SLC4A10: variants seen among roughly 807,000 people sequenced by gnomAD.
SLC4A10 encodes the protein solute carrier family 4 member 10.
SLC4A10 carries 42 observed loss-of-function variants against 137.7 expected under a neutral mutation model. The observed-to-expected ratio is 0.30, with a 90% CI of 0.24 to 0.39. The LOEUF is 0.39. Ranked by LOEUF, SLC4A10 falls within the 10% of genes least tolerant of loss-of-function variation. The pLI is 1.00. For missense variants in SLC4A10, 925 were observed against 1,355.0 expected, an observed-to-expected ratio of 0.68 and a Z score of 4.98; for synonymous variants, 474 against 464.1, an observed-to-expected ratio of 1.02 and a Z score of -0.27.
intron 15 of SLC4A10, among the ~76,000 whole-genome samples, chr2:161,918,687 C>T (rs1687575530): frequency 6.6e-6 from 1 of 152,164 alleles, no homozygotes; most frequent in Non-Finnish European, 1.5e-5. Flanking sequence ...AAGCCTACTT[C>T]ACCTTGTTCC....
chr2:161,830,122 A>T (rs911911738), intron 3 of SLC4A10, among the ~76,000 whole-genome samples: 1 of 151,522 alleles, frequency 6.6e-6, no homozygotes, highest in East Asian at 2.0e-4. Context: ...TGCTCTGCAC[A>T]TTTCAGCTCC....
chr2:161,876,708 A>T (rs1479150962), intron 8 of SLC4A10, among the ~76,000 whole-genome samples: 1 of 152,144 alleles, frequency 6.6e-6, no homozygotes, highest in East Asian at 1.9e-4. Flanking sequence ...ACCAAAAAAG[A>T]TAGTTGGTTT....
intron 24 of SLC4A10, among the ~76,000 whole-genome samples, chr2:161,975,637 T>C (rs887727224): frequency 3.9e-5 from 6 of 152,180 alleles, no homozygotes; most frequent in African/African-American, 1.4e-4. Flanking sequence ...CATTTCCAGA[T>C]TGGGCAAGAG....
intron 1 of SLC4A10, among the ~76,000 whole-genome samples, chr2:161,675,933 G>A (rs1184793025): frequency 2.6e-5 from 4 of 152,174 alleles, no homozygotes; most frequent in African/African-American, 9.6e-5. Context: ...AGCCCTGAAT[G>A]AAATCATGTA....
intron 3 of SLC4A10, among the ~76,000 whole-genome samples, chr2:161,819,016 C>G (rs771093886): frequency 1.3e-5 from 2 of 152,118 alleles, no homozygotes; most frequent in Non-Finnish European, 2.9e-5. Flanking sequence ...AGGATTCCTT[C>G]TTTTTCTATC....
intron 4 of SLC4A10, among the ~76,000 whole-genome samples, chr2:161,847,801 G>A (rs1013270537): frequency 6.6e-6 from 1 of 152,156 alleles, no homozygotes; most frequent in Admixed American, 6.6e-5. Context: ...TTGATTCCAT[G>A]TCTTTGCTAT....
intron 22 of SLC4A10, among the ~76,000 whole-genome samples, 152 bp downstream of exon 22, chr2:161,964,460 G>T (rs1296339903): frequency 6.6e-6 from 1 of 152,038 alleles, no homozygotes; most frequent in Non-Finnish European, 1.5e-5. Flanking sequence ...ACTAAGATAG[G>T]GTTTAAGAAT....
intron 1 of SLC4A10, among the ~76,000 whole-genome samples, chr2:161,734,788 T>G (rs2047166380): frequency 6.6e-6 from 1 of 152,154 alleles, no homozygotes; most frequent in African/African-American, 2.4e-5. Flanking sequence ...ATATTGATAT[T>G]GTTTGGCTCT....
rs559050061 is a variant in SLC4A10 at position 161,918,005 on chromosome 2, C to T, written c.1997+12118C>T. Among the ~76,000 whole-genome samples the T allele has an allele frequency of 2.7e-3, 405 of 152,280 alleles. 1 individual carries two copies. Among genetic ancestry groups the T allele is most frequent in the African/African-American group, 9.3e-3 (385 of 41,542 alleles). The stretch of plus-strand genomic sequence containing the variant: ...AACCCCAAGACATCTAATGCTTTGT[C>T]GAACACTCAACACTGCACTGCGTTG... On this transcript the variant is annotated intron_variant, in intron 15 of 26. Coordinates refer to ENST00000446997, the MANE Select transcript of SLC4A10 (RefSeq NM_001178015.2).
rs140447593 is a variant in SLC4A10, at chr2:161,783,312, C to T, written c.130+12258C>T. On this transcript the variant is annotated intron_variant, in intron 2 of 26. Transcript: ENST00000446997. Reference sequence around the variant, plus strand: ...AGAGATAAAGTCTTTTCCAGACAAACAAAAACTAAGGAAGTTCATCACCAC... The same window carrying T: ...AGAGATAAAGTCTTTTCCAGACAAATAAAAACTAAGGAAGTTCATCACCAC... 4.2e-3 allele frequency among the ~76,000 whole-genome samples: 641 copies of T among 151,868 alleles called. 3 individuals are homozygous for T. The highest frequency in any genetic ancestry group is 0.014 in the African/African-American group (563 of 41,504).
intron 1 of SLC4A10, among the ~76,000 whole-genome samples, chr2:161,755,176 T>C (rs1216382523): frequency 1.3e-5 from 2 of 152,232 alleles, no homozygotes; most frequent in Non-Finnish European, 2.9e-5. Context: ...GTATGCAGTT[T>C]TCCCCCTAAA....
chr2:161,976,805 T>A lies in SLC4A10; in HGVS notation c.3273T>A (p.Thr1091=). Residue 1091 remains threonine (T), a synonymous_variant, in exon 25 of 27, where the codon ACT becomes ACA. Transcript: ENST00000446997. The part of the protein sequence containing the change: ...VINISDEMSK[T]ALWRNLLITA... ...ATATATCTGATGAAATGTCAAAGAC[T>A]GCCTTGTGGAGGAACCTTCTGATTA... The A allele has an allele frequency of 6.2e-7, 1 of 1,605,652 alleles. No homozygotes were observed. Among genetic ancestry groups the A allele is most frequent in the Non-Finnish European group, 8.5e-7 (1 of 1,175,902 alleles).
chr2:161,817,560 C>A (rs906044447), intron 3 of SLC4A10, among the ~76,000 whole-genome samples: 1 of 152,136 alleles, frequency 6.6e-6, no homozygotes, highest in Non-Finnish European at 1.5e-5. Flanking sequence ...TTGCCCATGC[C>A]TATGTCCTGA....
chr2:161,716,180 T>G lies in SLC4A10; in HGVS notation c.49-54793T>G, dbSNP rs868596805. 8.1e-3 allele frequency among the ~76,000 whole-genome samples: 41 copies of G among 5,040 alleles called. No individual in the cohort carries two copies. In the South Asian group the frequency reaches 0.17, roughly 21 times the overall value. The allele number at this position is 5,040 out of a possible 152,430, so 3.3% of individuals were successfully genotyped here. On this transcript the variant is annotated intron_variant, in intron 1 of 26. Transcript: ENST00000446997. ...GTCCTTTGCCCACTTTTTGATGGGT[T>G]TTTTTTTTTTCTTGTAAATTTGTTT...
intron 4 of SLC4A10, among the ~76,000 whole-genome samples, chr2:161,847,062 C>T (rs1433260189): frequency 6.8e-6 from 1 of 147,770 alleles, no homozygotes; most frequent in Non-Finnish European, 1.5e-5. Context: ...CATAGTGAGA[C>T]CCCCATCTCT....
intron 4 of SLC4A10, among the ~76,000 whole-genome samples, chr2:161,847,854 A>G (rs1461266681): frequency 1.3e-5 from 2 of 152,140 alleles, no homozygotes; most frequent in African/African-American, 2.4e-5. Flanking sequence ...ATGTGTCTCT[A>G]TGGTAGAACG....
intron 1 of SLC4A10, among the ~76,000 whole-genome samples, chr2:161,659,018 G>A (rs1344434510): frequency 6.6e-6 from 1 of 152,016 alleles, no homozygotes; most frequent in Non-Finnish European, 1.5e-5. Context: ...ATTAAAACTA[G>A]AATTACCATT....
At chr2:161,690,851 A>G (rs754371524) in intron 1 of SLC4A10, among the ~76,000 whole-genome samples, 34 of 152,088 alleles carry the variant, frequency 2.2e-4, no homozygotes, top group Non-Finnish European at 4.4e-4. Flanking sequence ...CTTAAAACCT[A>G]TGTGATGGGT....
chr2:161,924,264 T>C lies in SLC4A10; in HGVS notation c.1997+18377T>C, dbSNP rs959480851. Among the ~76,000 whole-genome samples, 5 of 152,252 alleles carry C rather than the reference T, an allele frequency of 3.3e-5. No individual in the cohort carries two copies. In the South Asian group the frequency reaches 8.3e-4, roughly 25 times the overall value. The stretch of plus-strand genomic sequence containing the variant: ...AGGAAAATGGGATTTTTTTCTCACA[T>C]TTTTCTTGATTGATTTATTTAGCAT... On this transcript the variant is annotated intron_variant, in intron 15 of 26. Transcript: ENST00000446997.
Sources: allele counts gnomAD v4.1 joint callset (sites outside exome capture counted in the v4.1 genomes callset), GRCh38; gene constraint gnomAD v4.1.1; transcripts MANE v1.5; gene names NCBI Gene and HGNC (gene_info 2026-07-23, HGNC 2026-07-21).